CUEDC1: variants seen among roughly 807,000 people sequenced by gnomAD.
The protein encoded by CUEDC1 is CUE domain containing 1, also known as CUE domain-containing protein 1.
CUEDC1 carries 30 observed loss-of-function variants against 43.7 expected under a neutral mutation model. The observed-to-expected ratio is 0.69, with a 90% CI of 0.51 to 0.93. The LOEUF is 0.93. CUEDC1 is among the 40% of genes least tolerant of loss of function. CUEDC1 has a pLI of 0.00. For missense variants in CUEDC1, 486 were observed against 549.0 expected, an observed-to-expected ratio of 0.89 and a Z score of 1.15; for synonymous variants, 223 against 223.6, an observed-to-expected ratio of 1.00 and a Z score of 0.02.
intron 1 of CUEDC1, among the ~76,000 whole-genome samples, chr17:57,917,186 C>T (rs1420053191): frequency 6.6e-6 from 1 of 152,228 alleles, no homozygotes; most frequent in Non-Finnish European, 1.5e-5. Context: ...CTCAAAACCA[C>T]TGGGCTATGG....
chr17:57,937,228 C>T (rs1457957520), intron 1 of CUEDC1, among the ~76,000 whole-genome samples: 1 of 152,168 alleles, frequency 6.6e-6, no homozygotes, highest in Non-Finnish European at 1.5e-5. Context: ...ACATTCATTT[C>T]ATGTGATCCT....
chr17:57,872,899 A>G, intron 4 of CUEDC1, 44 bp from the exon 5 acceptor site: 1 of 1,555,728 alleles, frequency 6.4e-7, no homozygotes, highest in South Asian at 1.2e-5. Context: ...ACACAAGGGT[A>G]CATGTTGCAC....
At chr17:57,952,047 G>T (rs1213007654) in intron 1 of CUEDC1, among the ~76,000 whole-genome samples, 2 of 152,074 alleles carry the variant, frequency 1.3e-5, no homozygotes, top group African/African-American at 4.8e-5. Context: ...GGTAGCCAGG[G>T]CCACAGCATG....
intron 1 of CUEDC1, among the ~76,000 whole-genome samples, chr17:57,935,952 T>A (rs1159656379): frequency 6.6e-6 from 1 of 152,210 alleles, no homozygotes; most frequent in Non-Finnish European, 1.5e-5. Flanking sequence ...TGACCAGCCC[T>A]GTCCACACCC....
At chr17:57,877,899 A>AG (rs1474270786) in intron 3 of CUEDC1, among the ~76,000 whole-genome samples, 2 of 151,484 alleles carry the variant, frequency 1.3e-5, no homozygotes, top group African/African-American at 4.9e-5. Context: ...AAAAAAAAAA[A>AG]AAAAGTCAAA....
intron 1 of CUEDC1, among the ~76,000 whole-genome samples, chr17:57,951,272 C>A (rs2075004308): frequency 6.6e-6 from 1 of 152,124 alleles, no homozygotes; most frequent in South Asian, 2.1e-4. Flanking sequence ...CACATGAGAT[C>A]TCTTTTAACT....
At chr17:57,876,002 A>G (rs1337162962) in intron 3 of CUEDC1, among the ~76,000 whole-genome samples, 3 of 152,050 alleles carry the variant, frequency 2.0e-5, no homozygotes, top group Non-Finnish European at 4.4e-5. Context: ...TCTGTGCCCT[A>G]GGAGGCCAAT....
intron 1 of CUEDC1, among the ~76,000 whole-genome samples, chr17:57,897,514 C>T (rs945595285): frequency 6.6e-6 from 1 of 151,732 alleles, no homozygotes; most frequent in African/African-American, 2.4e-5. Flanking sequence ...ACTAAAAATA[C>T]AAAAAATTAG....
chr17:57,880,449 G>A (rs2074188308), intron 2 of CUEDC1, among the ~76,000 whole-genome samples: 1 of 152,180 alleles, frequency 6.6e-6, no homozygotes, highest in Non-Finnish European at 1.5e-5. Flanking sequence ...CACACTGGCT[G>A]CACACTCAGG....
chr17:57,945,317 T>C (rs192811050), intron 1 of CUEDC1, among the ~76,000 whole-genome samples: 2 of 152,306 alleles, frequency 1.3e-5, no homozygotes, highest in Admixed American at 1.3e-4. Flanking sequence ...GCAACCAATC[T>C]AGCATTCAGG....
At chr17:57,865,000 T>C (rs536779908) in intron 10 of CUEDC1, among the ~76,000 whole-genome samples, 1 of 152,274 alleles carries the variant, frequency 6.6e-6, no homozygotes, top group South Asian at 2.1e-4. Flanking sequence ...AAGGTTGCAA[T>C]GAGCCAAGAT....
Position 57,891,202 on chromosome 17 carries a change from A to G in CUEDC1, c.-315-5323T>C, listed in dbSNP as rs377352184. Among the ~76,000 whole-genome samples, 85 of 152,238 alleles carry G rather than the reference A, an allele frequency of 5.6e-4. 1 individual carries two copies. The East Asian group carries it at 9.9e-3, about 18-fold the overall frequency. Reference sequence around the variant, plus strand: ...CTTGCTGCCTCCACTTGGACATCCAACAGCAGCTCCAACAACATGGATCCA... The same window carrying G: ...CTTGCTGCCTCCACTTGGACATCCAGCAGCAGCTCCAACAACATGGATCCA... On this transcript the variant is annotated intron_variant, in intron 1 of 10. Coordinates refer to ENST00000577830, the MANE Select transcript of CUEDC1 (RefSeq NM_001271875.2).
chr17:57,868,202 C>G lies in CUEDC1; in HGVS notation c.982G>C (p.Glu328Gln). ...KLFELARAFS[E>Q]KTKMRKSKRK... ...TTTGACTTCCTCATTTTGGTCTTCT[C>G]TGAGAAGGCTCGGGCAAGTTCAAAC... is the stretch of plus-strand genomic sequence containing the variant. The change falls in exon 8 of 11, where the codon GAG (glutamate) becomes CAG (glutamine). Residue 328 changes from glutamate (E) to glutamine (Q), a missense_variant. Coordinates refer to ENST00000577830, the MANE Select transcript of CUEDC1 (RefSeq NM_001271875.2). 6.2e-7 allele frequency: 1 copy of G among 1,614,222 alleles called. No individual in the cohort carries two copies.
intron 1 of CUEDC1, among the ~76,000 whole-genome samples, chr17:57,900,760 C>G (rs1486161728): frequency 1.3e-5 from 2 of 152,224 alleles, no homozygotes; most frequent in Non-Finnish European, 2.9e-5. Flanking sequence ...CACTTACTTG[C>G]AATGCATTTT....
intron 1 of CUEDC1, among the ~76,000 whole-genome samples, chr17:57,888,975 C>G (rs1597986551): frequency 6.6e-6 from 1 of 152,086 alleles, no homozygotes; most frequent in East Asian, 1.9e-4. Context: ...TCCCCATTAG[C>G]AGCCCTCTGG....
intron 1 of CUEDC1, among the ~76,000 whole-genome samples, chr17:57,939,169 G>A (rs2074892015): frequency 6.6e-6 from 1 of 151,810 alleles, no homozygotes. Flanking sequence ...CTTTCACCTT[G>A]TTGGCCAGGC....
At chr17:57,892,276 C>T (rs2074363528) in intron 1 of CUEDC1, among the ~76,000 whole-genome samples, 1 of 152,228 alleles carries the variant, frequency 6.6e-6, no homozygotes, top group Non-Finnish European at 1.5e-5. Context: ...GGACACAAGG[C>T]TGATGGCAGG....
Position 57,871,386 on chromosome 17 carries a change from TTCACAGG to T in CUEDC1, c.785-24_785-18del. 6.2e-7 allele frequency: 1 copy of T among 1,610,418 alleles called. No individual in the cohort carries two copies. Among genetic ancestry groups the T allele is most frequent in the Non-Finnish European group, 8.5e-7 (1 of 1,177,434 alleles). On this transcript the variant is annotated intron_variant, in intron 5 of 10. Coordinates refer to ENST00000577830, the MANE Select transcript of CUEDC1 (RefSeq NM_001271875.2). ...TCAATCGATCTGGAAAAGGACCACA[TTCACAGG>T]TCAGGGAGGTTAGCTCCTGGGCTCC...
chr17:57,895,392 G>T (rs903756501), intron 1 of CUEDC1, among the ~76,000 whole-genome samples: 2 of 152,208 alleles, frequency 1.3e-5, no homozygotes, highest in Admixed American at 6.5e-5. Flanking sequence ...AAAGGACAGG[G>T]TTGCCCCTGG....
Sources: gnomAD v4.1 joint callset for allele counts (sites outside exome capture counted in the v4.1 genomes callset) on GRCh38, gnomAD v4.1.1 for gene constraint, MANE v1.5 for transcripts, NCBI Gene and HGNC (gene_info 2026-07-23, HGNC 2026-07-21) for gene names.